ENPP6: variants seen among roughly 807,000 people sequenced by gnomAD.
ENPP6 encodes ectonucleotide pyrophosphatase/phosphodiesterase 6.
ENPP6 carries 32 observed loss-of-function variants against 42.0 expected under a neutral mutation model. The ratio of observed to expected loss-of-function variants is 0.76; its 90% CI spans 0.58 to 1.02. The LOEUF is 1.02. Ranked by LOEUF, ENPP6 falls within the 50% of genes least tolerant of loss-of-function variation. The pLI is 0.00. For synonymous variants in ENPP6, 213 were observed against 216.0 expected (o/e 0.99, Z 0.12); for missense variants, 552 against 566.8 (o/e 0.97, Z 0.27).
chr4:184,100,703 A>T (rs939996729), intron 6 of ENPP6, among the ~76,000 whole-genome samples: 1 of 152,040 alleles, frequency 6.6e-6, no homozygotes, highest in African/African-American at 2.4e-5. Context: ...GTGGGGAGGG[A>T]ATTCACTCCA....
At chr4:184,139,591 C>T (rs185271818) in intron 2 of ENPP6, among the ~76,000 whole-genome samples, 10 of 141,256 alleles carry the variant, frequency 7.1e-5, no homozygotes, top group South Asian at 4.8e-4. Context: ...TTCCCACCTA[C>T]GAGTGAGAAT....
intron 5 of ENPP6, among the ~76,000 whole-genome samples, chr4:184,114,762 T>G (rs1315324569): frequency 3.3e-5 from 3 of 90,802 alleles, no homozygotes; most frequent in African/African-American, 9.3e-5. Context: ...GGATGATCTT[T>G]CTTGCCAAAA....
Position 184,169,589 on chromosome 4 carries a change from G to A in ENPP6, c.242-15856C>T, listed in dbSNP as rs1337703949. On this transcript the variant is annotated intron_variant, in intron 1 of 7. Transcript: ENST00000296741. ...CCGTCATCACGTTTCTGGCCACCTT[G>A]CCCTCCTCCTCTGAGCTCACAGCTC... is the stretch of plus-strand genomic sequence containing the variant. Among the ~76,000 whole-genome samples the A allele has an allele frequency of 2.0e-5, 3 of 152,182 alleles. No individual in the cohort carries two copies. The South Asian group carries it at 6.2e-4, about 32-fold the overall frequency.
At chr4:184,209,494 A>C (rs190193529) in intron 1 of ENPP6, among the ~76,000 whole-genome samples, 1 of 152,106 alleles carries the variant, frequency 6.6e-6, no homozygotes, top group Admixed American at 6.5e-5. Context: ...CAGCAATGGA[A>C]GATGAAATTA....
intron 6 of ENPP6, among the ~76,000 whole-genome samples, chr4:184,103,979 A>T (rs1406723092): frequency 6.6e-6 from 1 of 151,878 alleles, no homozygotes; most frequent in East Asian, 1.9e-4. Context: ...GCTGGAGAAA[A>T]GCACTTAGTG....
intron 2 of ENPP6, among the ~76,000 whole-genome samples, chr4:184,126,354 T>C (rs1736502820): frequency 6.6e-6 from 1 of 152,226 alleles, no homozygotes; most frequent in Non-Finnish European, 1.5e-5. Context: ...TAATTACATG[T>C]AAAATTCTAC....
At chr4:184,148,510 G>A (rs531682087) in intron 2 of ENPP6, among the ~76,000 whole-genome samples, 63 of 152,324 alleles carry the variant, frequency 4.1e-4, no homozygotes, top group Middle Eastern at 3.4e-3. Flanking sequence ...CTCTGCAGCA[G>A]AAATGGTCGA....
chr4:184,121,115 G>A (rs1052170327), intron 3 of ENPP6, among the ~76,000 whole-genome samples: 9 of 152,192 alleles, frequency 5.9e-5, no homozygotes, highest in African/African-American at 1.9e-4. Flanking sequence ...AGAACCAAGT[G>A]GGTTACTGGA....
At chr4:184,185,996 C>T (rs1221039006) in intron 1 of ENPP6, among the ~76,000 whole-genome samples, 2 of 152,224 alleles carry the variant, frequency 1.3e-5, no homozygotes, top group Non-Finnish European at 1.5e-5. Flanking sequence ...AAGGATTTAG[C>T]GGTGAAGTGT....
intron 5 of ENPP6, among the ~76,000 whole-genome samples, chr4:184,114,476 T>A (rs2111344099): frequency 6.6e-6 from 1 of 152,284 alleles, no homozygotes; most frequent in South Asian, 2.1e-4. Flanking sequence ...CTTAAGGAAA[T>A]CCGGAGTTCT....
In ENPP6 at chr4:184,131,822, CACATAT is replaced by C. The variant is rs888704487; in HGVS notation, c.422-7556_422-7551del. On this transcript the variant is annotated intron_variant, in intron 2 of 7. Coordinates refer to ENST00000296741, the MANE Select transcript of ENPP6 (RefSeq NM_153343.4). The stretch of plus-strand genomic sequence containing the variant: ...ACACACACACACACACACACACACA[CACATAT>C]ATATATATATAAAGAGGTATATTAT... 3.7e-4 allele frequency among the ~76,000 whole-genome samples: 52 copies of C among 141,078 alleles called. 1 individual carries two copies. Among genetic ancestry groups the C allele is most frequent in the East Asian group, 1.9e-3 (10 of 5,138 alleles). The allele number at this position is 141,078 out of a possible 152,430, so 92.6% of individuals were successfully genotyped here. A position where few individuals can be genotyped will look rare whatever the true frequency, so the allele number is the denominator to read the frequency against.
At chr4:184,212,966 C>A (rs900602117) in intron 1 of ENPP6, among the ~76,000 whole-genome samples, 6 of 151,884 alleles carry the variant, frequency 4.0e-5, no homozygotes, top group African/African-American at 1.5e-4. Flanking sequence ...TTTGACAAAC[C>A]TGAGAAAAAC....
At chr4:184,154,159 TCTTTC>T (rs1456757844) in intron 1 of ENPP6, among the ~76,000 whole-genome samples, 2 of 152,212 alleles carry the variant, frequency 1.3e-5, no homozygotes, top group African/African-American at 4.8e-5. Context: ...TAGCGTTTAT[TCTTTC>T]CTTTCTTAAA....
chr4:184,170,910 T>C (rs565106211), intron 1 of ENPP6, among the ~76,000 whole-genome samples: 1 of 152,348 alleles, frequency 6.6e-6, no homozygotes, highest in South Asian at 2.1e-4. Flanking sequence ...CTGTTCCTTT[T>C]AGTCACAAAA....
intron 2 of ENPP6, among the ~76,000 whole-genome samples, chr4:184,133,599 G>A (rs541485378): frequency 5.1e-4 from 77 of 151,858 alleles, no homozygotes; most frequent in African/African-American, 1.7e-3. Flanking sequence ...CTGCTCCCCC[G>A]AAGGACCCTC....
At chr4:184,214,455 A>G (rs558833963) in intron 1 of ENPP6, among the ~76,000 whole-genome samples, 37 of 152,302 alleles carry the variant, frequency 2.4e-4, no homozygotes, top group African/African-American at 8.9e-4. Flanking sequence ...ATCCCCATCC[A>G]CTGTGAAATT....
intron 2 of ENPP6, among the ~76,000 whole-genome samples, chr4:184,126,946 A>G (rs1459376085): frequency 6.6e-6 from 1 of 152,198 alleles, no homozygotes; most frequent in Admixed American, 6.5e-5. Flanking sequence ...TCCAACATAC[A>G]ATAAAAAATC....
intron 1 of ENPP6, among the ~76,000 whole-genome samples, chr4:184,181,653 C>T (rs1422110492): frequency 6.6e-6 from 1 of 152,054 alleles, no homozygotes; most frequent in Admixed American, 6.6e-5. Flanking sequence ...GATATTGATA[C>T]AAAACAGACA....
At chr4:184,166,192 C>T (rs534119037) in intron 1 of ENPP6, among the ~76,000 whole-genome samples, 2 of 152,230 alleles carry the variant, frequency 1.3e-5, no homozygotes, top group South Asian at 2.1e-4. Context: ...TCACAATTTG[C>T]ACATCTTTAA....
Sources: gnomAD v4.1 joint callset for allele counts (sites outside exome capture counted in the v4.1 genomes callset) on GRCh38, gnomAD v4.1.1 for gene constraint, MANE v1.5 for transcripts, NCBI Gene and HGNC (gene_info 2026-07-23, HGNC 2026-07-21) for gene names.